Variants in SLC35A3 observed in about 807,000 individuals in gnomAD.
SLC35A3 encodes the protein UDP-N-acetylglucosamine transporter.
Under a neutral mutation model 39.0 loss-of-function variants are expected in SLC35A3, and 26 were observed. The observed-to-expected ratio is 0.67, with a 90% CI of 0.49 to 0.92. The LOEUF is 0.92. SLC35A3 is among the 40% of genes least tolerant of loss of function. SLC35A3 has a pLI of 0.00. For missense variants in SLC35A3, 299 were observed against 371.6 expected (o/e 0.80, Z 1.61); for synonymous variants, 135 against 133.1 (o/e 1.01, Z -0.10).
intron 5 of SLC35A3, among the ~76,000 whole-genome samples, chr1:100,011,998 G>A (rs921712390): frequency 2.0e-5 from 3 of 151,978 alleles, no homozygotes; most frequent in Non-Finnish European, 2.9e-5. Context: ...GATTACAGGC[G>A]TGAGCCACCT....
At chr1:100,017,213 T>G (rs1660213505) in intron 6 of SLC35A3, among the ~76,000 whole-genome samples, 1 of 152,154 alleles carries the variant, frequency 6.6e-6, no homozygotes, top group African/African-American at 2.4e-5. Context: ...TTAGAAAACT[T>G]AATGTGACAG....
At position 99,990,500 on chromosome 1, in the gene SLC35A3, G is replaced by C. The variant is rs1281300427; in HGVS notation, c.-18-3037G>C. ...GAGGCAGGAGAATTGCTTGAACAAG[G>C]GTGTCAGAGGTTGCAGTGAGCTGAG... On this transcript the variant is annotated intron_variant, in intron 1 of 7. Transcript: ENST00000533028. Among the ~76,000 whole-genome samples, 3 of 152,088 alleles carry C rather than the reference G, an allele frequency of 2.0e-5. No individual in the cohort carries two copies. The East Asian group carries it at 5.8e-4, about 29-fold the overall frequency.
At chr1:99,996,214 A>G (rs1218789267) in intron 2 of SLC35A3, among the ~76,000 whole-genome samples, 1 of 152,218 alleles carries the variant, frequency 6.6e-6, no homozygotes, top group Non-Finnish European at 1.5e-5. Context: ...GAAAAAATAG[A>G]TAATTTAGGG....
intron 7 of SLC35A3, among the ~76,000 whole-genome samples, chr1:100,021,361 C>T (rs935876089): frequency 2.0e-4 from 30 of 151,546 alleles, no homozygotes; most frequent in African/African-American, 7.0e-4. Flanking sequence ...GAGACTCCAT[C>T]TCAAAAAAAT....
At chr1:99,976,969 A>G (rs1002530339) in intron 1 of SLC35A3, among the ~76,000 whole-genome samples, 1 of 152,162 alleles carries the variant, frequency 6.6e-6, no homozygotes, top group Non-Finnish European at 1.5e-5. Flanking sequence ...ATCTAAAATA[A>G]AAGTTGGGGA....
rs1661173448 is a variant in SLC35A3, at chr1:100,030,761, A to G, written c.*8285A>G. The G allele has an allele frequency of 6.6e-6, 1 of 152,186 alleles. No individual in the cohort carries two copies. The highest frequency in any genetic ancestry group is 2.4e-5 in the African/African-American group (1 of 41,444). 9.4% of individuals were successfully genotyped at this position (152,186 alleles called of 1,614,324 possible). ...TTTATTAAGTTTTTCCCTTTAGGCT[A>G]AAGTTTTATTTTATTCTGCTTGGAT... On this transcript the variant is annotated 3_prime_UTR_variant, in exon 8 of 8. Transcript: ENST00000533028.
chr1:99,979,199 A>T (rs1307449234), intron 1 of SLC35A3, among the ~76,000 whole-genome samples: 1 of 152,218 alleles, frequency 6.6e-6, no homozygotes, highest in Non-Finnish European at 1.5e-5. Context: ...GAGACCAGAA[A>T]TCCAAAATTA....
At chr1:99,972,017 C>A (rs1248610437) in intron 1 of SLC35A3, among the ~76,000 whole-genome samples, 1 of 152,086 alleles carries the variant, frequency 6.6e-6, no homozygotes, top group African/African-American at 2.4e-5. Context: ...CCTGCCTCAG[C>A]CTCCTGAAGT....
intron 7 of SLC35A3, among the ~76,000 whole-genome samples, chr1:100,019,013 T>G (rs900080383): frequency 1.3e-5 from 2 of 152,194 alleles, no homozygotes; most frequent in Admixed American, 6.5e-5. Flanking sequence ...CTAGTGAGAC[T>G]AGATGAACAA....
Position 100,030,582 on chromosome 1 carries a change from T to C in SLC35A3, c.*8106T>C, listed in dbSNP as rs1661165721. On this transcript the variant is annotated 3_prime_UTR_variant, in exon 8 of 8. Coordinates refer to ENST00000533028, the MANE Select transcript of SLC35A3 (RefSeq NM_012243.3). ...AGGGTGACCCAGGGAAGCCAAAAGA[T>C]TGGACACCCCAGCTTTAAATGTAGA... The C allele has an allele frequency of 6.6e-6, 1 of 152,234 alleles. No homozygotes were observed. Among genetic ancestry groups the C allele is most frequent in the South Asian group, 2.1e-4 (1 of 4,832 alleles). The allele number at this position is 152,234 out of a possible 1,614,324, so 9.4% of individuals were successfully genotyped here.
intron 5 of SLC35A3, among the ~76,000 whole-genome samples, chr1:100,014,557 CT>C (rs1350210759): frequency 6.6e-6 from 1 of 152,142 alleles, no homozygotes; most frequent in Non-Finnish European, 1.5e-5. Context: ...ATTGTACCCC[CT>C]GCCTCAGCTT....
At chr1:99,988,386 T>G (rs74664592) in intron 1 of SLC35A3, among the ~76,000 whole-genome samples, 52 of 152,304 alleles carry the variant, frequency 3.4e-4, no homozygotes, top group African/African-American at 1.3e-3. Context: ...TAGCTGAGCA[T>G]TATTCCATTG....
Position 100,033,617 on chromosome 1 carries a change from T to C in SLC35A3, c.*11141T>C, listed in dbSNP as rs1661365508. ...CTGATAACATTTTATATAATGCATT[T>C]AGAGTCCCCAATTTGCTTGTCTAGG... On this transcript the variant is annotated 3_prime_UTR_variant, in exon 8 of 8. Coordinates refer to ENST00000533028, the MANE Select transcript of SLC35A3 (RefSeq NM_012243.3). The C allele has an allele frequency of 6.6e-6, 1 of 152,206 alleles. No homozygotes were observed. Among genetic ancestry groups the C allele is most frequent in the African/African-American group, 2.4e-5 (1 of 41,468 alleles). The allele number at this position is 152,206 out of a possible 1,614,324, so 9.4% of individuals were successfully genotyped here. A position where few individuals can be genotyped will look rare whatever the true frequency, so the allele number is the denominator to read the frequency against.
chr1:100,010,719 A>G (rs1373644692), intron 4 of SLC35A3, among the ~76,000 whole-genome samples: 1 of 152,220 alleles, frequency 6.6e-6, no homozygotes, highest in African/African-American at 2.4e-5. Flanking sequence ...TAGAAGATCA[A>G]ACTGAGGAGG....
At chr1:99,977,558 G>A (rs1657188486) in intron 1 of SLC35A3, among the ~76,000 whole-genome samples, 1 of 142,612 alleles carries the variant, frequency 7.0e-6, no homozygotes, top group Non-Finnish European at 1.5e-5. Flanking sequence ...GAAGGAGGAA[G>A]GGAGGAAGGG....
intron 1 of SLC35A3, among the ~76,000 whole-genome samples, chr1:99,982,151 C>T (rs1364353300): frequency 1.3e-5 from 2 of 151,660 alleles, no homozygotes; most frequent in South Asian, 2.1e-4. Context: ...ATTACAGGTG[C>T]GCACCACCAT....
chr1:99,982,003 C>CTTTTTT (rs549298454), intron 1 of SLC35A3, among the ~76,000 whole-genome samples: 3 of 125,834 alleles, frequency 2.4e-5, no homozygotes, highest in East Asian at 2.4e-4. Context: ...AGGATGTATT[C>CTTTTTT]TTTTTTTTTT....
intron 1 of SLC35A3, among the ~76,000 whole-genome samples, chr1:99,977,000 GTT>G (rs1282501419): frequency 6.6e-6 from 1 of 152,026 alleles, no homozygotes; most frequent in Admixed American, 6.6e-5. Context: ...ATGTTTGACA[GTT>G]TGTCAGACCA....
chr1:100,000,245 A>AT (rs1212973814), intron 3 of SLC35A3, among the ~76,000 whole-genome samples: 1 of 151,960 alleles, frequency 6.6e-6, no homozygotes, highest in Non-Finnish European at 1.5e-5. Flanking sequence ...AGCACTGGTT[A>AT]TTTTTTGTCT....
Sources: gnomAD v4.1 joint callset for allele counts (sites outside exome capture counted in the v4.1 genomes callset) on GRCh38, gnomAD v4.1.1 for gene constraint, MANE v1.5 for transcripts, NCBI Gene and HGNC (gene_info 2026-07-23, HGNC 2026-07-21) for gene names.